Variants in MUSK observed in about 807,000 individuals in gnomAD.
MUSK encodes the protein muscle associated receptor tyrosine kinase.
A neutral mutation model predicts 88.7 loss-of-function variants in MUSK; 55 were observed. The ratio of observed to expected loss-of-function variants is 0.62; its 90% CI spans 0.50 to 0.78. The LOEUF is 0.78. Ranked by LOEUF, MUSK falls within the 30% of genes least tolerant of loss-of-function variation. The probability of loss-of-function intolerance (pLI) is 0.00; values close to 1 mark genes in which losing one functional copy is unlikely to be tolerated. For synonymous variants in MUSK, 387 were observed against 391.9 expected, an observed-to-expected ratio of 0.99 and a Z score of 0.15; for missense variants, 1,015 against 1,074.3, an observed-to-expected ratio of 0.94 and a Z score of 0.77.
intron 6 of MUSK, among the ~76,000 whole-genome samples, chr9:110,742,863 G>C (rs1430560822): frequency 6.6e-6 from 1 of 152,160 alleles, no homozygotes; most frequent in Admixed American, 6.5e-5. Context: ...TTTAGTTCTT[G>C]GTAATTCTAC....
At chr9:110,759,851 C>T (rs2077373680) in intron 7 of MUSK, among the ~76,000 whole-genome samples, 1 of 152,122 alleles carries the variant, frequency 6.6e-6, no homozygotes, top group African/African-American at 2.4e-5. Flanking sequence ...GCCTGGACAA[C>T]ATGGCAAAAC....
At chr9:110,778,223 T>A (rs1356288989) in intron 11 of MUSK, among the ~76,000 whole-genome samples, 1 of 152,130 alleles carries the variant, frequency 6.6e-6, no homozygotes, top group Admixed American at 6.5e-5. Context: ...GTTTTTCTTT[T>A]TTATAATTTC....
chr9:110,775,801 G>A lies in MUSK; in HGVS notation c.1198G>A (p.Ala400Thr). 6.2e-7 allele frequency: 1 copy of A among 1,613,788 alleles called. No homozygotes were observed. Among genetic ancestry groups the A allele is most frequent in the South Asian group, 1.1e-5 (1 of 91,060 alleles). Residue 400 changes from alanine (A) to threonine (T), a missense_variant, in exon 10 of 15, where the codon GCA becomes ACA. By Grantham distance (58) the Ala-to-Thr change is moderately conservative. Coordinates refer to ENST00000374448, the MANE Select transcript of MUSK (RefSeq NM_005592.4). ...ATACTATTTTAGAGAGTACTGCTTGGCAGTAAAGGAGCTCTTCTGCGCAAA... is the reference window on the plus strand; with the variant it reads ...ATACTATTTTAGAGAGTACTGCTTGACAGTAAAGGAGCTCTTCTGCGCAAA... ...PIPICREYCL[A>T]VKELFCAKEW...
intron 5 of MUSK, among the ~76,000 whole-genome samples, chr9:110,732,034 TC>T (rs999395930): frequency 5.3e-5 from 8 of 152,118 alleles, no homozygotes; most frequent in African/African-American, 1.9e-4. Context: ...TACATTATTC[TC>T]CAATTTTTTA....
At chr9:110,687,392 T>C (rs1202427877) in intron 3 of MUSK, 124 bp downstream of exon 3, 1 of 1,120,684 alleles carries the variant, frequency 8.9e-7, no homozygotes, top group Admixed American at 2.2e-5. Context: ...TGGAGTGCAG[T>C]GGCATGATCT....
At chr9:110,677,392 G>T (rs1213762238) in intron 1 of MUSK, among the ~76,000 whole-genome samples, 1 of 152,176 alleles carries the variant, frequency 6.6e-6, no homozygotes, top group Non-Finnish European at 1.5e-5. Context: ...GGCACTTTTA[G>T]GTCCTTATTT....
At chr9:110,774,329 T>G (rs2077630578) in intron 9 of MUSK, among the ~76,000 whole-genome samples, 1 of 152,238 alleles carries the variant, frequency 6.6e-6, no homozygotes, top group Admixed American at 6.5e-5. Flanking sequence ...ACTTCCATGT[T>G]CAAATTATCC....
chr9:110,690,440 AAG>A (rs1470354475), intron 3 of MUSK, among the ~76,000 whole-genome samples: 3 of 68,194 alleles, frequency 4.4e-5, no homozygotes, highest in South Asian at 4.7e-4. Flanking sequence ...ATTTCAATAT[AAG>A]TATATATAAA....
chr9:110,745,060 T>C (rs903119039), intron 6 of MUSK, among the ~76,000 whole-genome samples: 3 of 152,342 alleles, frequency 2.0e-5, no homozygotes, highest in African/African-American at 7.2e-5. Flanking sequence ...TGGGGCCTGC[T>C]GTGCGTGAGT....
At chr9:110,729,718 G>A (rs544950881) in intron 5 of MUSK, among the ~76,000 whole-genome samples, 1 of 151,904 alleles carries the variant, frequency 6.6e-6, no homozygotes, top group Non-Finnish European at 1.5e-5. Flanking sequence ...AAAAGAGGAA[G>A]GGAAAATAAA....
chr9:110,733,823 A>C (rs2076994461), intron 5 of MUSK, among the ~76,000 whole-genome samples: 1 of 152,136 alleles, frequency 6.6e-6, no homozygotes, highest in Non-Finnish European at 1.5e-5. Context: ...AGGTAATTTC[A>C]GATAGTTGTA....
chr9:110,702,184 G>GA (rs1308644063), intron 5 of MUSK, among the ~76,000 whole-genome samples: 2 of 151,884 alleles, frequency 1.3e-5, no homozygotes, highest in African/African-American at 4.8e-5. Flanking sequence ...TTGTATAACT[G>GA]ATAAGAATAA....
intron 1 of MUSK, among the ~76,000 whole-genome samples, chr9:110,672,410 G>C (rs185976735): frequency 6.6e-6 from 1 of 152,142 alleles, no homozygotes; most frequent in African/African-American, 2.4e-5. Flanking sequence ...CCCCTGACCT[G>C]AACATTTACT....
At chr9:110,724,023 A>T (rs1051798361) in intron 5 of MUSK, among the ~76,000 whole-genome samples, 1 of 151,914 alleles carries the variant, frequency 6.6e-6, no homozygotes, top group Admixed American at 6.6e-5. Flanking sequence ...CTTAAGTGCC[A>T]TCTTCTGATT....
In MUSK at chr9:110,758,869, C is replaced by G. The variant is rs2077361657; in HGVS notation, c.914-3333C>G. Among the ~76,000 whole-genome samples, 3 of 152,262 alleles carry G rather than the reference C, an allele frequency of 2.0e-5. No homozygotes were observed. In the South Asian group the frequency reaches 6.2e-4, roughly 32 times the overall value. ...AGCTAACCAGGAAGGTGAAAGATCT[C>G]TGCAATAAGAATTACAAAACACTGC... On this transcript the variant is annotated intron_variant, in intron 7 of 14. Transcript: ENST00000374448.
rs565727683 is a variant in MUSK at position 110,674,893 on chromosome 9, G to C, written c.79+5910G>C. 3.3e-5 allele frequency among the ~76,000 whole-genome samples: 5 copies of C among 152,178 alleles called. No homozygotes were observed. The East Asian group carries it at 9.7e-4, about 29-fold the overall frequency. On this transcript the variant is annotated intron_variant, in intron 1 of 14. Transcript: ENST00000374448. ...TCAAAAGTGCTGGGATTACAGACAT[G>C]AGCCACCAACCACACCCAGCCTGAG...
At chr9:110,762,237 T>C in intron 8 of MUSK, 29 bp downstream of exon 8, 1 of 1,415,092 alleles carries the variant, frequency 7.1e-7, no homozygotes, top group Non-Finnish European at 9.3e-7. Context: ...AACAATTGTT[T>C]CCAATGTTTT....
chr9:110,734,511 C>T (rs534108041), intron 6 of MUSK, 136 bp downstream of exon 6: 2 of 1,137,028 alleles, frequency 1.8e-6, no homozygotes, highest in East Asian at 4.9e-5. Context: ...CTCCCAATAT[C>T]TTTGTCCTAG....
intron 11 of MUSK, among the ~76,000 whole-genome samples, chr9:110,780,964 C>A (rs2077743721): frequency 6.6e-6 from 1 of 152,084 alleles, no homozygotes. Context: ...TCATGCTATT[C>A]CACCTCGTAA....
Sources: allele counts gnomAD v4.1 joint callset (sites outside exome capture counted in the v4.1 genomes callset), GRCh38; gene constraint gnomAD v4.1.1; transcripts MANE v1.5; gene names NCBI Gene and HGNC (gene_info 2026-07-23, HGNC 2026-07-21).